The following MAP3K1 variants were observed in gnomAD, a reference collection of about 807,000 sequenced individuals.
MAP3K1 encodes mitogen-activated protein kinase kinase kinase 1.
A neutral mutation model predicts 144.2 loss-of-function variants in MAP3K1; 36 were observed. The observed-to-expected ratio is 0.25, with a 90% CI of 0.19 to 0.33. MAP3K1 has a LOEUF of 0.33. MAP3K1 is among the 10% of genes least tolerant of loss of function. The pLI, the probability that MAP3K1 is intolerant of heterozygous loss-of-function variation, is 1.00. For synonymous variants in MAP3K1, 718 were observed against 688.7 expected (o/e 1.04, Z -0.67); for missense variants, 1,650 against 1,881.9 (o/e 0.88, Z 2.28).
At chr5:56,889,148 C>T (rs764852574) in intron 19 of MAP3K1, among the ~76,000 whole-genome samples, 5 of 151,990 alleles carry the variant, frequency 3.3e-5, no homozygotes, top group Non-Finnish European at 7.4e-5. Context: ...ATCTAATTTA[C>T]CATTTTCTTT....
intron 3 of MAP3K1, among the ~76,000 whole-genome samples, chr5:56,863,562 C>G (rs1214905473): frequency 6.6e-6 from 1 of 152,178 alleles, no homozygotes; most frequent in Non-Finnish European, 1.5e-5. Flanking sequence ...ATTTGAGCTG[C>G]TCCTGTTTGG....
chr5:56,861,565 T>G (rs1431889139), intron 3 of MAP3K1, among the ~76,000 whole-genome samples: 32 of 77,240 alleles, frequency 4.1e-4, no homozygotes, highest in Non-Finnish European at 6.3e-4. Flanking sequence ...AGAGTGAGAC[T>G]CCTAAAAAAA....
intron 10 of MAP3K1, among the ~76,000 whole-genome samples, chr5:56,878,103 C>T (rs1039112323): frequency 3.3e-5 from 5 of 152,162 alleles, no homozygotes; most frequent in Non-Finnish European, 5.9e-5. Context: ...TACCAAGTTT[C>T]CCTGCTGTAA....
chr5:56,829,798 G>C (rs1746433224), intron 1 of MAP3K1, among the ~76,000 whole-genome samples: 1 of 152,196 alleles, frequency 6.6e-6, no homozygotes, highest in African/African-American at 2.4e-5. Flanking sequence ...GGTGATAACT[G>C]GCTGTAGGTT....
chr5:56,837,899 G>A (rs1290258772), intron 1 of MAP3K1, among the ~76,000 whole-genome samples: 1 of 152,152 alleles, frequency 6.6e-6, no homozygotes, highest in Admixed American at 6.5e-5. Context: ...CAGTGGGGGA[G>A]GCTGAAGGCA....
chr5:56,831,184 GTTTTT>G (rs5868030), intron 1 of MAP3K1, among the ~76,000 whole-genome samples: 13 of 136,336 alleles, frequency 9.5e-5, no homozygotes, highest in Non-Finnish European at 1.6e-4. Flanking sequence ...AAAATGTTGG[GTTTTT>G]TTTTTTTTTT....
At chr5:56,835,109 G>A (rs763681245) in intron 1 of MAP3K1, among the ~76,000 whole-genome samples, 17 of 152,184 alleles carry the variant, frequency 1.1e-4, no homozygotes, top group Non-Finnish European at 2.1e-4. Context: ...AGAAGTGAAT[G>A]ATAGTTCTGT....
At chr5:56,816,429 G>C (rs528934009) in intron 1 of MAP3K1, among the ~76,000 whole-genome samples, 1 of 151,992 alleles carries the variant, frequency 6.6e-6, no homozygotes, top group Non-Finnish European at 1.5e-5. Context: ...CGGCGCCCCC[G>C]GACGGGTGTC....
chr5:56,860,595 A>G (rs1424349084), intron 3 of MAP3K1, among the ~76,000 whole-genome samples: 1 of 152,286 alleles, frequency 6.6e-6, no homozygotes, highest in South Asian at 2.1e-4. Context: ...GCTCACATCT[A>G]TAATCCCACC....
At chr5:56,876,393 C>A (rs1748031910) in intron 10 of MAP3K1, among the ~76,000 whole-genome samples, 1 of 152,064 alleles carries the variant, frequency 6.6e-6, no homozygotes, top group African/African-American at 2.4e-5. Context: ...TCTTAAAATT[C>A]ATGAGCAGTC....
chr5:56,861,568 TAAAAAAAAAAAAAA>T (rs869216404), intron 3 of MAP3K1, among the ~76,000 whole-genome samples: 1 of 114,194 alleles, frequency 8.8e-6, no homozygotes, highest in Admixed American at 9.7e-5. Context: ...GTGAGACTCC[TAAAAAAAAAAAAAA>T]AAAAAAAAGG....
At chr5:56,816,785 G>GC (rs2111732391) in intron 1 of MAP3K1, among the ~76,000 whole-genome samples, 1 of 152,338 alleles carries the variant, frequency 6.6e-6, no homozygotes, top group Non-Finnish European at 1.5e-5. Context: ...TCTAATTGCA[G>GC]CCCCCAAGGG....
chr5:56,857,931 G>T (rs1261863658), intron 2 of MAP3K1, among the ~76,000 whole-genome samples: 1 of 152,136 alleles, frequency 6.6e-6, no homozygotes, highest in African/African-American at 2.4e-5. Context: ...CCAGCACTTG[G>T]TAAGTTATTA....
intron 6 of MAP3K1, among the ~76,000 whole-genome samples, chr5:56,866,377 G>A (rs1438926235): frequency 6.6e-6 from 1 of 152,110 alleles, no homozygotes; most frequent in Non-Finnish European, 1.5e-5. Context: ...CACTGCCTAG[G>A]TGACAGAACA....
intron 1 of MAP3K1, among the ~76,000 whole-genome samples, chr5:56,835,384 AG>A (rs1482775037): frequency 3.1e-5 from 4 of 129,298 alleles, no homozygotes; most frequent in African/African-American, 6.7e-5. Context: ...ACAGGAAGGC[AG>A]GGAAGAGGAG....
At chr5:56,835,109 GATAGTTCTGTTGGCA>G (rs1279230495) in intron 1 of MAP3K1, among the ~76,000 whole-genome samples, 6 of 152,302 alleles carry the variant, frequency 3.9e-5, no homozygotes, top group Non-Finnish European at 7.4e-5. Flanking sequence ...AGAAGTGAAT[GATAGTTCTGTTGGCA>G]ATCTTAATTC....
chr5:56,815,626 G>A lies in MAP3K1; in HGVS notation c.53G>A (p.Arg18Lys). Residue 18 changes from arginine to lysine, a missense_variant, in exon 1 of 20, where the codon AGG becomes AAG. This residue lies in a region of MAP3K1 where 360 missense variants were observed against 274.7 expected (regional missense o/e 1.31). Coordinates refer to ENST00000399503, the MANE Select transcript of MAP3K1 (RefSeq NM_005921.2). ...TCGTCGTCGGGATTCCCGGGCGCCA[G>A]GGCTACGAGCCCTGAGGCAGGCGGC... is the stretch of plus-strand genomic sequence containing the variant. ...RASSSGFPGA[R>K]ATSPEAGGGG... 2.3e-6 allele frequency: 3 copies of A among 1,317,162 alleles called. No individual in the cohort carries two copies. Among genetic ancestry groups the A allele is most frequent in the Non-Finnish European group, 2.9e-6 (3 of 1,034,116 alleles). 81.6% of individuals were successfully genotyped at this position (1,317,162 alleles called of 1,614,324 possible). A position where few individuals can be genotyped will look rare whatever the true frequency, so the allele number is the denominator to read the frequency against.
intron 2 of MAP3K1, among the ~76,000 whole-genome samples, chr5:56,859,193 T>C (rs1328168691): frequency 1.6e-5 from 1 of 63,786 alleles, no homozygotes; most frequent in Non-Finnish European, 4.0e-5. Context: ...TATAACATTG[T>C]AAAGAAACAC....
intron 3 of MAP3K1, among the ~76,000 whole-genome samples, chr5:56,864,378 CTTTTTTTT>C (rs11331657): frequency 8.5e-6 from 1 of 117,268 alleles, no homozygotes; most frequent in Non-Finnish European, 1.8e-5. Flanking sequence ...ATAATAGTTT[CTTTTTTTT>C]TTTTTTTTTG....
Sources: allele counts gnomAD v4.1 joint callset (sites outside exome capture counted in the v4.1 genomes callset), GRCh38; gene constraint gnomAD v4.1.1; regional missense constraint gnomAD v4.1.1; transcripts MANE v1.5; gene names NCBI Gene and HGNC (gene_info 2026-07-23, HGNC 2026-07-21).